PHACTR2: variants seen among roughly 807,000 people sequenced by gnomAD.
PHACTR2 encodes the protein phosphatase and actin regulator 2.
A neutral mutation model predicts 76.0 loss-of-function variants in PHACTR2; 30 were observed. That is an observed-to-expected ratio of 0.39 (90% confidence interval 0.30 to 0.54). PHACTR2 has a LOEUF of 0.54. Ranked by LOEUF, PHACTR2 falls within the 20% of genes least tolerant of loss-of-function variation. The probability of loss-of-function intolerance (pLI) is 0.61; values close to 1 mark genes in which losing one functional copy is unlikely to be tolerated. For synonymous variants in PHACTR2, 292 were observed against 292.5 expected (o/e 1.00, Z 0.02); for missense variants, 696 against 781.1 (o/e 0.89, Z 1.30).
At chr6:143,815,007 ATATGC>A (rs1395711999) in intron 12 of PHACTR2, among the ~76,000 whole-genome samples, 1 of 152,150 alleles carries the variant, frequency 6.6e-6, no homozygotes, top group African/African-American at 2.4e-5. Context: ...CAGCTTCTAG[ATATGC>A]TTATCAAAAT....
At position 143,621,413 on chromosome 6, in the gene PHACTR2, C is replaced by T. The variant is rs1054256525; in HGVS notation, c.13+13091C>T. Among the ~76,000 whole-genome samples, 19 of 152,198 alleles carry T rather than the reference C, an allele frequency of 1.2e-4. No homozygotes were observed. Among genetic ancestry groups the T allele is most frequent in the Non-Finnish European group, 1.5e-5 (1 of 68,038 alleles). On this transcript the variant is annotated intron_variant, in intron 1 of 11. Transcript: ENST00000305766. The surrounding 1 kb of genome is among the most constrained non-coding windows in gnomAD (Gnocchi z 4.1). ...CTTCCCATAGTTCCTGCCTCTCTCT[C>T]TAGAGTAGCACAGGACTTGGGAAGC... is the stretch of plus-strand genomic sequence containing the variant.
intron 1 of PHACTR2, among the ~76,000 whole-genome samples, chr6:143,660,454 C>T (rs1259336660): frequency 6.6e-6 from 1 of 152,104 alleles, no homozygotes; most frequent in Non-Finnish European, 1.5e-5. Context: ...AAGAGACTCC[C>T]CCATGATTCA....
At position 143,578,984 on chromosome 6, in the gene PHACTR2, A is replaced by T. The variant is rs1582682319; in HGVS notation, c.217+41777A>T. On this transcript the variant is annotated intron_variant, in intron 1 of 11. Coordinates refer to the PHACTR2 transcript ENST00000367584. This position sits in a 1 kb window ranked among gnomAD's most constrained non-coding sequence, Gnocchi z 4.5. Reference sequence around the variant, plus strand: ...AGTGGCGTGATCACAGCTCACTGCAACCTCCGTCTCCCGGGTTCAAGCCAT... The same window carrying T: ...AGTGGCGTGATCACAGCTCACTGCATCCTCCGTCTCCCGGGTTCAAGCCAT... Among the ~76,000 whole-genome samples, 1 of 151,888 alleles carries T rather than the reference A, an allele frequency of 6.6e-6. No homozygotes were observed. The highest frequency in any genetic ancestry group is 1.5e-5 in the Non-Finnish European group (1 of 67,972).
At position 143,753,649 on chromosome 6, in the gene PHACTR2, C is replaced by T; in HGVS notation, c.296-105C>T. On this transcript the variant is annotated intron_variant, in intron 3 of 12. Coordinates refer to ENST00000440869, the MANE Select transcript of PHACTR2 (RefSeq NM_001100164.2). This position sits in a 1 kb window ranked among gnomAD's most constrained non-coding sequence, Gnocchi z 4.6. ...AACAGTGCAGGGTGTATTTGGTTCC[C>T]AGGGACTGAAACATGAATCTAAATT... 1 of 740,344 alleles carries T rather than the reference C, an allele frequency of 1.4e-6. No individual in the cohort carries two copies. Among genetic ancestry groups the T allele is most frequent in the East Asian group, 2.7e-5 (1 of 37,004 alleles). The allele number at this position is 740,344 out of a possible 1,614,324, so 45.9% of individuals were successfully genotyped here. A position where few individuals can be genotyped will look rare whatever the true frequency, so the allele number is the denominator to read the frequency against.
intron 1 of PHACTR2, among the ~76,000 whole-genome samples, chr6:143,637,473 C>T (rs191453884): frequency 4.7e-4 from 72 of 152,206 alleles, no homozygotes; most frequent in Admixed American, 7.9e-4. Flanking sequence ...TAAGACTTTG[C>T]GAAATTGAAG....
intron 12 of PHACTR2, among the ~76,000 whole-genome samples, chr6:143,808,176 C>T (rs1776104589): frequency 6.8e-6 from 1 of 147,808 alleles, no homozygotes; most frequent in South Asian, 2.1e-4. Context: ...GTCACCCAGG[C>T]TGGGGTGCAG....
chr6:143,601,270 T>C (rs763702724), intron 1 of PHACTR2, among the ~76,000 whole-genome samples: 7 of 152,060 alleles, frequency 4.6e-5, no homozygotes, highest in Non-Finnish European at 7.4e-5. Context: ...TTTGAGAAAA[T>C]CAGAATCTTC....
rs1775783278 is a variant in PHACTR2 at position 143,794,534 on chromosome 6, C to T, written c.1845+5624C>T. Among the ~76,000 whole-genome samples, 1 of 152,142 alleles carries T rather than the reference C, an allele frequency of 6.6e-6. No homozygotes were observed. The highest frequency in any genetic ancestry group is 1.5e-5 in the Non-Finnish European group (1 of 68,030). On this transcript the variant is annotated intron_variant, in intron 11 of 12. Transcript: ENST00000440869. This position sits in a 1 kb window ranked among gnomAD's most constrained non-coding sequence, Gnocchi z 4.1. ...TGAGGCCAGGTGCAGTGGCTCATGC[C>T]TGTAATCCAAGTGCTTTGAGAGGGT...
chr6:143,561,527 C>T lies in PHACTR2; in HGVS notation c.217+24320C>T, dbSNP rs926292214. 2 of 152,210 alleles carry T rather than the reference C, an allele frequency of 1.3e-5. No individual in the cohort carries two copies. Among genetic ancestry groups the T allele is most frequent in the Admixed American group, 6.5e-5 (1 of 15,270 alleles). The allele number at this position is 152,210 out of a possible 1,614,324, so 9.4% of individuals were successfully genotyped here. A position where few individuals can be genotyped will look rare whatever the true frequency, so the allele number is the denominator to read the frequency against. On this transcript the variant is annotated intron_variant, in intron 1 of 11. Coordinates refer to the PHACTR2 transcript ENST00000367584. The surrounding 1 kb of genome is among the most constrained non-coding windows in gnomAD (Gnocchi z 4.1). ...GCTGGTATACAGGGTTGCTGTGGGC[C>T]CAGAGTGCAGGGGAGATGCCTGGTC...
intron 1 of PHACTR2, among the ~76,000 whole-genome samples, chr6:143,576,505 T>C (rs1194345359): frequency 2.0e-5 from 3 of 152,256 alleles, no homozygotes; most frequent in Non-Finnish European, 4.4e-5. Flanking sequence ...AAAGTTTATT[T>C]CTAACATTTA....
intron 1 of PHACTR2, among the ~76,000 whole-genome samples, chr6:143,540,132 C>T (rs1781159250): frequency 6.6e-6 from 1 of 152,224 alleles, no homozygotes; most frequent in Non-Finnish European, 1.5e-5. Context: ...ACTGCAGTCT[C>T]CCAAGCAGCC....
chr6:143,785,748 A>G (rs1466416206), intron 10 of PHACTR2, among the ~76,000 whole-genome samples: 7 of 152,174 alleles, frequency 4.6e-5, no homozygotes, highest in African/African-American at 1.4e-4. Flanking sequence ...GCTCAACACC[A>G]TATGGAAGCT....
At chr6:143,574,827 C>T (rs1188559184) in intron 1 of PHACTR2, among the ~76,000 whole-genome samples, 2 of 152,014 alleles carry the variant, frequency 1.3e-5, no homozygotes, top group Non-Finnish European at 2.9e-5. Flanking sequence ...CTGGCCTTCT[C>T]CTCCTCTCCC....
intron 1 of PHACTR2, among the ~76,000 whole-genome samples, chr6:143,628,130 C>T (rs1776292037): frequency 6.6e-6 from 1 of 152,002 alleles, no homozygotes. Context: ...TACTTCATTC[C>T]TTTGTATGGC....
At position 143,777,184 on chromosome 6, in the gene PHACTR2, T is replaced by A; in HGVS notation, c.1590-144T>A. On this transcript the variant is annotated intron_variant, in intron 8 of 12. Transcript: ENST00000440869. This position sits in a 1 kb window ranked among gnomAD's most constrained non-coding sequence, Gnocchi z 4.6. ...CCATGATCTGTAGTCTCCAAACTAA[T>A]GGGAAGGAGACTTTTATTTTGCAGC... 7.4e-6 allele frequency: 4 copies of A among 540,020 alleles called. No homozygotes were observed. The South Asian group carries it at 1.0e-4, about 14-fold the overall frequency. 33.5% of individuals were successfully genotyped at this position (540,020 alleles called of 1,614,324 possible).
intron 1 of PHACTR2, among the ~76,000 whole-genome samples, chr6:143,542,169 G>A (rs1781176939): frequency 6.6e-6 from 1 of 152,204 alleles, no homozygotes; most frequent in African/African-American, 2.4e-5. Flanking sequence ...CTCAGGTCCA[G>A]CCTGCGCTTT....
chr6:143,564,285 A>T (rs1775331038), intron 1 of PHACTR2, among the ~76,000 whole-genome samples: 1 of 141,300 alleles, frequency 7.1e-6, no homozygotes. Context: ...ACCTGTCTCT[A>T]AAAAATAGTA....
intron 1 of PHACTR2, among the ~76,000 whole-genome samples, chr6:143,572,193 TA>T (rs1452066348): frequency 1.3e-5 from 2 of 152,242 alleles, no homozygotes; most frequent in African/African-American, 2.4e-5. Context: ...TGGCCCCGTG[TA>T]AATATCTTCT....
In PHACTR2 at chr6:143,616,535, C is replaced by A. The variant is rs1048823481; in HGVS notation, c.13+8213C>A. Reference sequence around the variant, plus strand: ...CGCCTTCTCCTCCTTGCCATTCAGTCGTTAATTCATCCATACATCCTGGTG... The same window carrying A: ...CGCCTTCTCCTCCTTGCCATTCAGTAGTTAATTCATCCATACATCCTGGTG... On this transcript the variant is annotated intron_variant, in intron 1 of 11. Coordinates refer to the PHACTR2 transcript ENST00000305766. This position sits in a 1 kb window ranked among gnomAD's most constrained non-coding sequence, Gnocchi z 4.9. Among the ~76,000 whole-genome samples, 1 of 152,114 alleles carries A rather than the reference C, an allele frequency of 6.6e-6. No homozygotes were observed. The highest frequency in any genetic ancestry group is 6.5e-5 in the Admixed American group (1 of 15,276).
Sources: gnomAD v4.1 joint callset for allele counts (sites outside exome capture counted in the v4.1 genomes callset) on GRCh38, gnomAD v4.1.1 for gene constraint, Gnocchi (gnomAD v3.1) non-coding constraint, MANE v1.5 for transcripts, NCBI Gene and HGNC (gene_info 2026-07-23, HGNC 2026-07-21) for gene names.